The following COLEC10 variants were observed in gnomAD, a reference collection of about 807,000 sequenced individuals.
The protein encoded by COLEC10 is collectin-10.
A neutral mutation model predicts 28.4 loss-of-function variants in COLEC10; 22 were observed. The ratio of observed to expected loss-of-function variants is 0.78; its 90% CI spans 0.55 to 1.11. The LOEUF is 1.11. COLEC10 is among the 50% of genes least tolerant of loss of function. The pLI is 0.00. For synonymous variants in COLEC10, 125 were observed against 116.1 expected, an observed-to-expected ratio of 1.08 and a Z score of -0.49; for missense variants, 361 against 344.1, an observed-to-expected ratio of 1.05 and a Z score of -0.39.
intron 2 of COLEC10, among the ~76,000 whole-genome samples, chr8:119,048,308 G>C (rs141752472): frequency 6.6e-6 from 1 of 152,150 alleles, no homozygotes; most frequent in Non-Finnish European, 1.5e-5. Context: ...CCATGTTGCC[G>C]CACAGGACAT....
chr8:118,981,104 G>C, the COLEC10 span, among the ~76,000 whole-genome samples: 3 of 151,890 alleles, frequency 2.0e-5, no homozygotes, highest in East Asian at 5.8e-4. Flanking sequence ...AAATCAGGTG[G>C]TTATAACACA....
At chr8:118,971,403 G>A in the COLEC10 span, among the ~76,000 whole-genome samples, 1 of 151,898 alleles carries the variant, frequency 6.6e-6, no homozygotes, top group East Asian at 1.9e-4. Context: ...GGTGGCAGGG[G>A]GAATTAGGAG....
chr8:119,072,198 GCT>G (rs1380205639), intron 1 of COLEC10, among the ~76,000 whole-genome samples: 2 of 151,998 alleles, frequency 1.3e-5, no homozygotes, highest in Non-Finnish European at 2.9e-5. Context: ...GCAGAGCAAA[GCT>G]CTTTCCCTTT....
At chr8:119,079,831 T>A (rs1421157530) in intron 1 of COLEC10, among the ~76,000 whole-genome samples, 1 of 152,006 alleles carries the variant, frequency 6.6e-6, no homozygotes, top group African/African-American at 2.4e-5. Flanking sequence ...TCCCTGGAAT[T>A]GATAGGGCAC....
chr8:119,044,142 TAATC>T (rs1171863839), intron 2 of COLEC10, among the ~76,000 whole-genome samples: 1 of 152,258 alleles, frequency 6.6e-6, no homozygotes, highest in Admixed American at 6.5e-5. Context: ...GCTTTTGTAA[TAATC>T]AATAGTGTCC....
intron 3 of COLEC10, 70 bp downstream of exon 3, chr8:119,091,290 C>A: frequency 8.8e-7 from 1 of 1,141,382 alleles, no homozygotes; most frequent in Non-Finnish European, 1.3e-6. Flanking sequence ...TGGCTCACAC[C>A]AGTAATCCCA....
intron 1 of COLEC10, among the ~76,000 whole-genome samples, chr8:119,076,950 G>T (rs1452984508): frequency 1.3e-5 from 2 of 152,306 alleles, no homozygotes; most frequent in South Asian, 2.1e-4. Flanking sequence ...ATGTGCGTGG[G>T]TTGGGGGGAC....
chr8:119,053,650 G>C (rs1814713338), intron 2 of COLEC10, among the ~76,000 whole-genome samples: 1 of 149,416 alleles, frequency 6.7e-6, no homozygotes, highest in African/African-American at 2.5e-5. Context: ...GATGGTAACA[G>C]TGCCTCTCAG....
At position 119,106,305 on chromosome 8, in the gene COLEC10, A is replaced by T; in HGVS notation, c.*114A>T. ...TGATCTGAGTCAACATAGCTAGAAA[A>T]TGCTAAACTGAGGTATGGAGCCTCC... On this transcript the variant is annotated 3_prime_UTR_variant, in exon 6 of 6. Transcript: ENST00000332843. 9.0e-7 allele frequency: 1 copy of T among 1,116,080 alleles called. No individual in the cohort carries two copies. Among genetic ancestry groups the T allele is most frequent in the Non-Finnish European group, 1.3e-6 (1 of 784,080 alleles). 69.1% of individuals were successfully genotyped at this position (1,116,080 alleles called of 1,614,324 possible). A position where few individuals can be genotyped will look rare whatever the true frequency, so the allele number is the denominator to read the frequency against.
In COLEC10 at chr8:119,098,218, C is replaced by A. The variant is rs528447142; in HGVS notation, c.293-4130C>A. Among the ~76,000 whole-genome samples, 4 of 152,066 alleles carry A rather than the reference C, an allele frequency of 2.6e-5. No homozygotes were observed. The South Asian group carries it at 8.3e-4, about 32-fold the overall frequency. ...AAGAGTTAAAGCTAAGGATCTTAAG[C>A]ACAGTCTTAACCCTTGAATAAAATA... On this transcript the variant is annotated intron_variant, in intron 3 of 5. Transcript: ENST00000332843.
At chr8:119,062,479 A>AT (rs60708114), upstream of COLEC10, among the ~76,000 whole-genome samples, 5,430 of 146,692 alleles carry the variant, frequency 0.037, 115 homozygotes, top group Middle Eastern at 0.056. Context: ...TGAATATTTG[A>AT]TTTTTTTTTT....
the COLEC10 span, among the ~76,000 whole-genome samples, chr8:118,954,076 C>T: frequency 6.6e-6 from 1 of 152,192 alleles, no homozygotes; most frequent in Admixed American, 6.5e-5. Flanking sequence ...ATTGTAAGCT[C>T]CTGAGGGCAG....
intron 2 of COLEC10, 57 bp from the exon 3 acceptor site, chr8:119,091,092 C>T: frequency 7.3e-7 from 1 of 1,366,984 alleles, no homozygotes; most frequent in Non-Finnish European, 1.0e-6. Flanking sequence ...TCACATTAGC[C>T]ACATTTCAAG....
rs1165936069 is a variant in COLEC10, at chr8:119,107,087, G to C, written c.*896G>C. On this transcript the variant is annotated 3_prime_UTR_variant, in exon 6 of 6. Transcript: ENST00000332843. ...ACCTGCATCAATTTTATTCACCTTA[G>C]GCATAGGGAATGAGGGAAGGAGTTT... Among the ~76,000 whole-genome samples, 1 of 152,100 alleles carries C rather than the reference G, an allele frequency of 6.6e-6. No homozygotes were observed. The highest frequency in any genetic ancestry group is 1.5e-5 in the Non-Finnish European group (1 of 68,024).
chr8:119,034,375 C>T (rs1814349182), intron 2 of COLEC10, among the ~76,000 whole-genome samples: 1 of 151,536 alleles, frequency 6.6e-6, no homozygotes, highest in East Asian at 1.9e-4. Context: ...ACGTAACAAA[C>T]CTGCACATTC....
intron 2 of COLEC10, among the ~76,000 whole-genome samples, chr8:119,035,723 T>G (rs7000411): frequency 0.044 from 6,715 of 152,260 alleles, 216 homozygotes; most frequent in East Asian, 0.16. Flanking sequence ...TAGTTGACAA[T>G]TACATGGTTT....
At chr8:118,980,817 A>G in the COLEC10 span, among the ~76,000 whole-genome samples, 1 of 152,056 alleles carries the variant, frequency 6.6e-6, no homozygotes. Context: ...GTGAAAAAAG[A>G]TGGTCTTCCC....
At chr8:119,085,599 C>CTTCTTTTTTTTTTTTTTTTT (rs1563739053) in intron 1 of COLEC10, among the ~76,000 whole-genome samples, 4 of 63,554 alleles carry the variant, frequency 6.3e-5, no homozygotes, top group African/African-American at 9.6e-5. Context: ...TCTTCTTCTT[C>CTTCTTTTTTTTTTTTTTTTT]TTTTTTTTTT....
At position 119,010,396 on chromosome 8, in the gene COLEC10, T is replaced by C. The variant is rs1230805072; in HGVS notation, n.235+843T>C. 4.6e-5 allele frequency among the ~76,000 whole-genome samples: 7 copies of C among 151,058 alleles called. No homozygotes were observed. In the East Asian group the frequency reaches 1.4e-3, roughly 29 times the overall value. On this transcript the variant is annotated intron_variant and non_coding_transcript_variant, in intron 2 of 6. Coordinates refer to the COLEC10 transcript ENST00000521788. Reference sequence around the variant, plus strand: ...ATTGTTTGGACATACTACAATTTACTTATCCATTTACCTACTGAATAACAT... The same window carrying C: ...ATTGTTTGGACATACTACAATTTACCTATCCATTTACCTACTGAATAACAT...
Sources: allele counts gnomAD v4.1 joint callset (sites outside exome capture counted in the v4.1 genomes callset), GRCh38; gene constraint gnomAD v4.1.1; transcripts MANE v1.5; gene names NCBI Gene and HGNC (gene_info 2026-07-23, HGNC 2026-07-21).